The following HEPACAM2 variants were observed in gnomAD, a reference collection of about 807,000 sequenced individuals.
The protein encoded by HEPACAM2 is HEPACAM family member 2, also known as mitotic kinetics regulator.
Under a neutral mutation model 49.6 loss-of-function variants are expected in HEPACAM2, and 49 were observed. The observed-to-expected ratio is 0.99, with a 90% confidence interval of 0.78 to 1.25. The LOEUF (loss-of-function observed/expected upper bound fraction) is 1.25. Ranked by LOEUF, HEPACAM2 falls within the 50% of genes most tolerant of loss-of-function variation. The probability of loss-of-function intolerance (pLI) is 0.00; values close to 1 mark genes in which losing one functional copy is unlikely to be tolerated. For synonymous variants in HEPACAM2, 197 were observed against 202.9 expected (o/e 0.97, Z 0.25); for missense variants, 525 against 557.2 (o/e 0.94, Z 0.58).
rs1344131172 is a variant in HEPACAM2, at chr7:93,189,216, A to G, written c.*51T>C. 3 of 1,525,860 alleles carry G rather than the reference A, an allele frequency of 2.0e-6. No homozygotes were observed. The highest frequency in any genetic ancestry group is 2.7e-6 in the Non-Finnish European group (3 of 1,106,144). 94.5% of individuals were successfully genotyped at this position (1,525,860 alleles called of 1,614,324 possible). On this transcript the variant is annotated 3_prime_UTR_variant, in exon 10 of 10. Coordinates refer to ENST00000394468, the MANE Select transcript of HEPACAM2 (RefSeq NM_001039372.4). ...ATATACTTTTCCACTGTTTTTCCTT[A>G]AAATGTTTCTTCAGAATTTCACTCG... is the stretch of plus-strand genomic sequence containing the variant.
intron 4 of HEPACAM2, among the ~76,000 whole-genome samples, chr7:93,200,220 G>A (rs549868937): frequency 1.6e-4 from 24 of 151,394 alleles, no homozygotes; most frequent in African/African-American, 4.8e-4. Context: ...GATTTTTTTC[G>A]GTCAATTTTT....
upstream of HEPACAM2, among the ~76,000 whole-genome samples, chr7:93,231,019 A>G (rs1794617721): frequency 6.6e-6 from 1 of 152,214 alleles, no homozygotes; most frequent in Non-Finnish European, 1.5e-5. Flanking sequence ...AAATATTAAA[A>G]TATTACAACC....
chr7:93,195,336 C>T (rs540943049), intron 8 of HEPACAM2, among the ~76,000 whole-genome samples: 2 of 152,182 alleles, frequency 1.3e-5, no homozygotes, highest in East Asian at 1.9e-4. Flanking sequence ...CAATGATCCT[C>T]CTGCCTCGGT....
At chr7:93,206,747 C>T (rs1203969156) in intron 4 of HEPACAM2, among the ~76,000 whole-genome samples, 1 of 152,034 alleles carries the variant, frequency 6.6e-6, no homozygotes, top group African/African-American at 2.4e-5. Context: ...ATGAACAGTG[C>T]ATTTTCTTCA....
rs1194538639 is a variant in HEPACAM2 at position 93,215,560 on chromosome 7, C to A, written c.556G>T (p.Gly186Trp). ...GTGGAGCTGGTGTGGACAGGTCTCCCATTTTTTAGCCATTGGTAAGCTAGC... is the reference window on the plus strand; with the variant it reads ...GTGGAGCTGGTGTGGACAGGTCTCCAATTTTTTAGCCATTGGTAAGCTAGC... ...TRLAYQWLKN[G>W]RPVHTSSTYS... The change falls in exon 3 of 10, where the codon GGG (glycine) becomes TGG (tryptophan). Residue 186 changes from glycine (G) to tryptophan (W), a missense_variant. Gly to Trp is a radical substitution (Grantham distance 184). Coordinates refer to ENST00000394468, the MANE Select transcript of HEPACAM2 (RefSeq NM_001039372.4). 11 of 1,613,546 alleles carry A rather than the reference C, an allele frequency of 6.8e-6. No individual in the cohort carries two copies. The highest frequency in any genetic ancestry group is 2.7e-5 in the African/African-American group (2 of 74,854).
intron 1 of HEPACAM2, chr7:93,225,783 T>C (rs1794527372): frequency 6.0e-6 from 3 of 502,740 alleles, no homozygotes; most frequent in African/African-American, 3.9e-5. Context: ...GGACTAGCCA[T>C]TGGGCAAAGA....
intron 4 of HEPACAM2, among the ~76,000 whole-genome samples, chr7:93,204,366 CT>C (rs1266647777): frequency 1.2e-4 from 18 of 150,740 alleles, no homozygotes; most frequent in African/African-American, 4.4e-4. Flanking sequence ...ATCTATCTAT[CT>C]ATCTATCATC....
chr7:93,205,461 T>C (rs1347375309), intron 4 of HEPACAM2: 1 of 152,182 alleles, frequency 6.6e-6, no homozygotes, highest in African/African-American at 2.4e-5. Flanking sequence ...AACTTTTTGG[T>C]CAGCCAAATG....
At chr7:93,223,154 T>G (rs1584357777) in intron 1 of HEPACAM2, among the ~76,000 whole-genome samples, 1 of 152,358 alleles carries the variant, frequency 6.6e-6, no homozygotes, top group East Asian at 1.9e-4. Context: ...CATTTTGTGC[T>G]TGTCATTTGG....
At chr7:93,229,991 T>TA (rs1162357103), upstream of HEPACAM2, among the ~76,000 whole-genome samples, 1 of 152,202 alleles carries the variant, frequency 6.6e-6, no homozygotes, top group Non-Finnish European at 1.5e-5. Flanking sequence ...CTTTCAATAT[T>TA]ATAGTTATAG....
intron 2 of HEPACAM2, among the ~76,000 whole-genome samples, chr7:93,215,935 G>C (rs1015511271): frequency 1.3e-5 from 2 of 152,112 alleles, no homozygotes; most frequent in Admixed American, 1.3e-4. Flanking sequence ...TTCAAGGATG[G>C]TCTAATGAAG....
In HEPACAM2 at chr7:93,200,315, C is replaced by T. The variant is rs1444173335; in HGVS notation, c.1013-2705G>A. 3.3e-5 allele frequency among the ~76,000 whole-genome samples: 5 copies of T among 152,116 alleles called. No homozygotes were observed. In the East Asian group the frequency reaches 9.7e-4, roughly 29 times the overall value. Reference sequence around the variant, plus strand: ...TAATTTTTATGTACATTATCTTATACCAGTACGGTAAGTCCTCACTTAACA... The same window carrying T: ...TAATTTTTATGTACATTATCTTATATCAGTACGGTAAGTCCTCACTTAACA... On this transcript the variant is annotated intron_variant, in intron 4 of 9. Transcript: ENST00000394468.
At chr7:93,194,155 G>C (rs962034515) in intron 8 of HEPACAM2, among the ~76,000 whole-genome samples, 1 of 152,080 alleles carries the variant, frequency 6.6e-6, no homozygotes, top group African/African-American at 2.4e-5. Flanking sequence ...GTTCTTCAGG[G>C]CTATAATATT....
At position 93,192,288 on chromosome 7, in the gene HEPACAM2, G is replaced by A; in HGVS notation, c.1351C>T (p.Gln451Ter). The A allele has an allele frequency of 6.2e-7, 1 of 1,612,732 alleles. No individual in the cohort carries two copies. The highest frequency in any genetic ancestry group is 8.5e-7 in the Non-Finnish European group (1 of 1,179,134). ...TCTTGCTGCTGGGCAGGGATGTGCT[G>A]AATAACTTCATACACTGTACTGTGC... The part of the protein sequence containing the change: ...DLHSTVYEVI[Q>*]HIPAQQQDHP... Residue 451 changes from glutamine to a stop codon, truncating the protein, a stop_gained, in exon 9 of 10, where the codon CAG becomes TAG. Coordinates refer to ENST00000394468, the MANE Select transcript of HEPACAM2 (RefSeq NM_001039372.4). LOFTEE classifies it high-confidence loss of function.
At chr7:93,229,664 C>G (rs185797510), upstream of HEPACAM2, among the ~76,000 whole-genome samples, 1 of 152,306 alleles carries the variant, frequency 6.6e-6, no homozygotes, top group East Asian at 1.9e-4. Context: ...ATCCAGCCAA[C>G]CTTCCCCAGG....
intron 3 of HEPACAM2, among the ~76,000 whole-genome samples, chr7:93,213,546 C>T (rs1160156744): frequency 1.3e-5 from 2 of 151,956 alleles, no homozygotes; most frequent in African/African-American, 2.4e-5. Flanking sequence ...TTTACAGCAT[C>T]GTCAAGTAAC....
rs1794399503 is a variant in HEPACAM2 at position 93,219,422 on chromosome 7, GC to G, written c.108del (p.Pro37HisfsTer48). On this transcript the variant is annotated frameshift_variant, in exon 2 of 10. Coordinates refer to ENST00000394468, the MANE Select transcript of HEPACAM2 (RefSeq NM_001039372.4). LOFTEE classifies it high-confidence loss of function. The part of the protein sequence containing the change: ...FGACSGLKVT[V>X]PSHTVHGVRG... ...CTGACGCCATGGACAGTGTGTGATG[GC>G]ACTGTCACCTTCAGCCCCGAGCAAG... 1 of 1,613,934 alleles carries G rather than the reference GC, an allele frequency of 6.2e-7. No homozygotes were observed. The highest frequency in any genetic ancestry group is 8.5e-7 in the Non-Finnish European group (1 of 1,179,916).
At chr7:93,200,684 G>A (rs1261636668) in intron 4 of HEPACAM2, among the ~76,000 whole-genome samples, 3 of 152,090 alleles carry the variant, frequency 2.0e-5, no homozygotes, top group Non-Finnish European at 4.4e-5. Context: ...GCATCATGCA[G>A]TTCAAAAACT....
chr7:93,194,921 C>CTTTTTTTTT (rs80158728), intron 8 of HEPACAM2, among the ~76,000 whole-genome samples: 4,263 of 117,780 alleles, frequency 0.036, 176 homozygotes, highest in East Asian at 0.099. Flanking sequence ...TTTAAAAGAT[C>CTTTTTTTTT]TTTTTTTTTT....
Sources: allele counts gnomAD v4.1 joint callset (sites outside exome capture counted in the v4.1 genomes callset), GRCh38; gene constraint gnomAD v4.1.1; transcripts MANE v1.5; gene names NCBI Gene and HGNC (gene_info 2026-07-23, HGNC 2026-07-21).